The following UBR4 variants were observed in gnomAD, a reference collection of about 807,000 sequenced individuals.
The protein encoded by UBR4 is ubiquitin protein ligase E3 component n-recognin 4.
UBR4 carries 124 observed loss-of-function variants against 575.6 expected under a neutral mutation model. The observed-to-expected ratio is 0.22, with a 90% CI of 0.19 to 0.25. The LOEUF (loss-of-function observed/expected upper bound fraction) is 0.25, where lower values mean the gene tolerates loss of function less well. Ranked by LOEUF, UBR4 falls within the 10% of genes least tolerant of loss-of-function variation. The probability of loss-of-function intolerance (pLI) is 1.00; values close to 1 mark genes in which losing one functional copy is unlikely to be tolerated. For synonymous variants in UBR4, 2,455 were observed against 2,473.7 expected, an observed-to-expected ratio of 0.99 and a Z score of 0.22; for missense variants, 4,818 against 6,478.8, an observed-to-expected ratio of 0.74 and a Z score of 8.80.
intron 3 of UBR4, among the ~76,000 whole-genome samples, chr1:19,199,421 T>C (rs2092637086): frequency 6.6e-6 from 1 of 152,238 alleles, no homozygotes; most frequent in South Asian, 2.1e-4. Flanking sequence ...TGCCTGTTTT[T>C]GTAAATAAAG....
At position 19,092,913 on chromosome 1, in the gene UBR4, T is replaced by C; in HGVS notation, c.14117A>G (p.Asp4706Gly). 2 of 1,613,130 alleles carry C rather than the reference T, an allele frequency of 1.2e-6. No homozygotes were observed. The highest frequency in any genetic ancestry group is 1.7e-6 in the Non-Finnish European group (2 of 1,179,724). The change falls in exon 97 of 106, where the codon GAT becomes GGT. Residue 4706 changes from aspartate (D) to glycine (G), a missense_variant. By Grantham distance (94) the Asp-to-Gly change is moderately conservative (BLOSUM62 -1). This residue lies in a region of UBR4 where 39 missense variants were observed against 37.5 expected (regional missense o/e 1.04). Coordinates refer to ENST00000375254, the MANE Select transcript of UBR4 (RefSeq NM_020765.3). ...CAAAAACTTTTTCCAGATGTCGGCA[T>C]CCAAACTGCAAAGCAAAGGAAGGCT... is the stretch of plus-strand genomic sequence containing the variant. ...KKHIPSAKNL[D>G]ADIWKKFLSR...
intron 8 of UBR4, 47 bp from the exon 9 acceptor site, chr1:19,193,604 A>G: frequency 2.6e-6 from 4 of 1,559,302 alleles, no homozygotes; most frequent in Non-Finnish European, 3.5e-6. Flanking sequence ...GCATCCAAGA[A>G]TCCACCAAAG....
At chr1:19,193,666 T>G in intron 8 of UBR4, 109 bp from the exon 9 acceptor site, 2 of 1,380,580 alleles carry the variant, frequency 1.4e-6, no homozygotes, top group South Asian at 1.5e-5. Flanking sequence ...ATTTGACTAC[T>G]TAAAATAAAT....
At chr1:19,128,749 C>T (rs912071497) in intron 61 of UBR4, among the ~76,000 whole-genome samples, 2 of 152,206 alleles carry the variant, frequency 1.3e-5, no homozygotes, top group African/African-American at 4.8e-5. Flanking sequence ...TTTGCACTGG[C>T]TCTGTCAATA....
At position 19,169,539 on chromosome 1, in the gene UBR4, G is replaced by C. The variant is rs1557884183; in HGVS notation, c.3644-7C>G. ...TTCTGAACCAGTGTCGGACCTGGAG[G>C]CGACAGAAAGGACAAGGAATCATCA... On this transcript the variant is annotated splice_region_variant and splice_polypyrimidine_tract_variant and intron_variant, in intron 26 of 105. Coordinates refer to ENST00000375254, the MANE Select transcript of UBR4 (RefSeq NM_020765.3). 1 of 1,611,296 alleles carries C rather than the reference G, an allele frequency of 6.2e-7. No individual in the cohort carries two copies. The highest frequency in any genetic ancestry group is 8.5e-7 in the Non-Finnish European group (1 of 1,178,812).
rs144345976 is a variant in UBR4 at position 19,149,437 on chromosome 1, T to C, written c.7431-811A>G. Among the ~76,000 whole-genome samples the C allele has an allele frequency of 4.5e-4, 69 of 152,268 alleles. 1 individual carries two copies. In the East Asian group the frequency reaches 0.011, roughly 24 times the overall value. ...AATTTGGATAGAACGAGCTCTCTAG[T>C]GGGTTATCAGATGGTAGGACTTTGC... On this transcript the variant is annotated intron_variant, in intron 49 of 105. Coordinates refer to ENST00000375254, the MANE Select transcript of UBR4 (RefSeq NM_020765.3).
At position 19,088,464 on chromosome 1, in the gene UBR4, T is replaced by C. The variant is rs2077220017; in HGVS notation, c.14430+295A>G. ...AGTTACTTCATCTGGAAAATGGGTA[T>C]AACAATATCAACCTCCTAGAACTAC... On this transcript the variant is annotated intron_variant, in intron 98 of 105. Transcript: ENST00000375254. This position sits in a 1 kb window ranked among gnomAD's most constrained non-coding sequence, Gnocchi z 4.0. Among the ~76,000 whole-genome samples, 1 of 152,236 alleles carries C rather than the reference T, an allele frequency of 6.6e-6. No homozygotes were observed. Among genetic ancestry groups the C allele is most frequent in the Admixed American group, 6.5e-5 (1 of 15,286 alleles).
chr1:19,112,400 G>T, intron 78 of UBR4, 124 bp downstream of exon 78: 1 of 1,149,074 alleles, frequency 8.7e-7, no homozygotes, highest in Non-Finnish European at 1.2e-6. Context: ...TCTTTCCTTT[G>T]TTATAAGCTA....
chr1:19,165,394 C>A, intron 30 of UBR4, 45 bp from the exon 31 acceptor site: 4 of 1,502,590 alleles, frequency 2.7e-6, no homozygotes, highest in Non-Finnish European at 3.7e-6. Flanking sequence ...CACATTAAAG[C>A]CCCACATAAA....
intron 94 of UBR4, 28 bp from the exon 95 acceptor site, chr1:19,094,167 C>A: frequency 6.3e-7 from 1 of 1,587,524 alleles, no homozygotes; most frequent in South Asian, 1.1e-5. Flanking sequence ...GTGAACATGC[C>A]ATTAATGCAG....
At chr1:19,133,412 TA>T (rs2082768601) in intron 60 of UBR4, among the ~76,000 whole-genome samples, 2 of 152,138 alleles carry the variant, frequency 1.3e-5, no homozygotes, top group South Asian at 4.1e-4. Flanking sequence ...TAAATATCCA[TA>T]AAAAACCCTT....
rs112082204 is a variant in UBR4, at chr1:19,147,986, C to G, written c.7629+7G>C. 4 of 1,611,102 alleles carry G rather than the reference C, an allele frequency of 2.5e-6. No homozygotes were observed. Among genetic ancestry groups the G allele is most frequent in the Non-Finnish European group, 3.4e-6 (4 of 1,178,850 alleles). On this transcript the variant is annotated splice_region_variant and intron_variant, in intron 51 of 105. Transcript: ENST00000375254. ...CTGCAATTTCCTTTCCCTGAGAGAA[C>G]AGTTACCTTGTGGCTGTGGTAGGCC...
At chr1:19,173,862 G>T (rs929530301) in intron 22 of UBR4, among the ~76,000 whole-genome samples, 2 of 152,154 alleles carry the variant, frequency 1.3e-5, no homozygotes, top group African/African-American at 4.8e-5. Flanking sequence ...AGACCAAAAA[G>T]GCTATTCCAA....
intron 17 of UBR4, among the ~76,000 whole-genome samples, chr1:19,183,103 T>C (rs535757381): frequency 4.6e-5 from 7 of 152,316 alleles, no homozygotes; most frequent in African/African-American, 1.7e-4. Flanking sequence ...TATAATTTGA[T>C]TGATTCTTTT....
Position 19,086,458 on chromosome 1 carries a change from C to T in UBR4, c.14688-188G>A, listed in dbSNP as rs186647521. 4.0e-3 allele frequency among the ~76,000 whole-genome samples: 602 copies of T among 152,360 alleles called. 4 individuals are homozygous for T. Among genetic ancestry groups the T allele is most frequent in the African/African-American group, 0.013 (536 of 41,582 alleles). ...ATGTGGTACACACTGGCTTTGCTGA[C>T]TCAGGTAGGCAGGGCTGTTCTCACT... On this transcript the variant is annotated intron_variant, in intron 100 of 105. Transcript: ENST00000375254.
At chr1:19,192,816 C>T (rs2092196936) in intron 9 of UBR4, among the ~76,000 whole-genome samples, 1 of 151,784 alleles carries the variant, frequency 6.6e-6, no homozygotes, top group Non-Finnish European at 1.5e-5. Context: ...GAGTTTCACT[C>T]TTGTTGTCCA....
rs2093255200 is a variant in UBR4, at chr1:19,210,265, G to T, written c.-17C>A. On this transcript the variant is annotated 5_prime_UTR_variant, in exon 1 of 106. Transcript: ENST00000375254. ...CGTCGCCATCTTCCGTCGTACTACTGCGGCTCCCTCCGGGGGCTTGCCACC... is the reference window on the plus strand; with the variant it reads ...CGTCGCCATCTTCCGTCGTACTACTTCGGCTCCCTCCGGGGGCTTGCCACC... 2 of 1,441,440 alleles carry T rather than the reference G, an allele frequency of 1.4e-6. No individual in the cohort carries two copies. Among genetic ancestry groups the T allele is most frequent in the Admixed American group, 2.8e-5 (1 of 35,512 alleles). 89.3% of individuals were successfully genotyped at this position (1,441,440 alleles called of 1,614,324 possible).
chr1:19,192,492 C>T lies in UBR4; in HGVS notation c.1192G>A (p.Ala398Thr), dbSNP rs746385587. ...GATACGCTTCTTACCTCACCACCAG[C>T]CCGGCGAGAACTGCTGATTGCTTGT... is the stretch of plus-strand genomic sequence containing the variant. ...IGQAISSSRR[A>T]GGEHYQNFQL... Residue 398 changes from alanine to threonine, a missense_variant, in exon 10 of 106, where the codon GCT becomes ACT. Ala to Thr is a moderately conservative substitution (Grantham distance 58, BLOSUM62 0). This residue lies in a region of UBR4 where 131 missense variants were observed against 214.5 expected (regional missense o/e 0.61). Coordinates refer to ENST00000375254, the MANE Select transcript of UBR4 (RefSeq NM_020765.3). 1.5e-5 allele frequency: 25 copies of T among 1,614,142 alleles called. No homozygotes were observed. The South Asian group carries it at 2.4e-4, about 16-fold the overall frequency.
In UBR4 at chr1:19,148,008, G is replaced by A. The variant is rs1294186021; in HGVS notation, c.7614C>T (p.Ala2538=). 3 of 1,612,962 alleles carry A rather than the reference G, an allele frequency of 1.9e-6. No individual in the cohort carries two copies. Among genetic ancestry groups the A allele is most frequent in the Middle Eastern group, 1.7e-4 (1 of 6,060 alleles). Residue 2538 remains alanine, a synonymous_variant, in exon 51 of 106, where the codon GCC becomes GCT. Coordinates refer to ENST00000375254, the MANE Select transcript of UBR4 (RefSeq NM_020765.3). ...LLASLHTSRS[A]YHSHKDQALL... is the part of the protein sequence containing the mutation. ...GAACAGTTACCTTGTGGCTGTGGTA[G>A]GCCGAGCGGCTGGTGTGCAGGCTGG...
Sources: gnomAD v4.1 joint callset for allele counts (sites outside exome capture counted in the v4.1 genomes callset) on GRCh38, gnomAD v4.1.1 for gene constraint, gnomAD v4.1.1 regional missense constraint, Gnocchi (gnomAD v3.1) non-coding constraint, MANE v1.5 for transcripts, NCBI Gene and HGNC (gene_info 2026-07-23, HGNC 2026-07-21) for gene names.